RIMS1: variants seen among roughly 807,000 people sequenced by gnomAD.
RIMS1 encodes the protein regulating synaptic membrane exocytosis 1.
A neutral mutation model predicts 214.1 loss-of-function variants in RIMS1; 83 were observed. The ratio of observed to expected loss-of-function variants is 0.39; its 90% CI spans 0.32 to 0.47. The LOEUF (loss-of-function observed/expected upper bound fraction) is 0.47, where lower values mean the gene tolerates loss of function less well. Ranked by LOEUF, RIMS1 falls within the 20% of genes least tolerant of loss-of-function variation. The pLI is 0.99. For synonymous variants in RIMS1, 793 were observed against 786.8 expected (o/e 1.01, Z -0.13); for missense variants, 2,050 against 2,161.8 (o/e 0.95, Z 1.03).
At position 72,095,497 on chromosome 6, in the gene RIMS1, C is replaced by G. The variant is rs540409105; in HGVS notation, c.246-1452C>G. 2.6e-5 allele frequency among the ~76,000 whole-genome samples: 4 copies of G among 152,248 alleles called. No homozygotes were observed. The East Asian group carries it at 7.7e-4, about 29-fold the overall frequency. ...ATATTCCTTTATGAAGTGATATTAG[C>G]TGGCCTTTAAATTGGGAAATATTTC... is the stretch of plus-strand genomic sequence containing the variant. On this transcript the variant is annotated intron_variant, in intron 2 of 33. Transcript: ENST00000521978.
At chr6:71,892,208 C>T (rs533267972) in intron 1 of RIMS1, among the ~76,000 whole-genome samples, 1 of 152,292 alleles carries the variant, frequency 6.6e-6, no homozygotes, top group Admixed American at 6.5e-5. Context: ...TGATTTGTTT[C>T]CCTCATCTGT....
intron 29 of RIMS1, among the ~76,000 whole-genome samples, chr6:72,378,629 C>T (rs1033360347): frequency 2.6e-5 from 4 of 152,006 alleles, no homozygotes; most frequent in African/African-American, 7.2e-5. Flanking sequence ...CAGGAGTTCA[C>T]GACCAGCCTG....
At chr6:72,217,056 C>T in intron 6 of RIMS1, 2 of 1,470,036 alleles carry the variant, frequency 1.4e-6, no homozygotes, top group Non-Finnish European at 9.0e-7. Context: ...ATGCAAGGAC[C>T]ACAGGGAATT....
chr6:72,010,414 T>G (rs1352686106), intron 2 of RIMS1, among the ~76,000 whole-genome samples: 2 of 152,142 alleles, frequency 1.3e-5, no homozygotes, highest in Non-Finnish European at 2.9e-5. Context: ...CTTTGAAAAC[T>G]GGCACAAGAC....
At chr6:72,046,799 C>T (rs895523273) in intron 2 of RIMS1, among the ~76,000 whole-genome samples, 12 of 151,894 alleles carry the variant, frequency 7.9e-5, no homozygotes, top group African/African-American at 1.5e-4. Context: ...TAGATGTCTG[C>T]GACTATTTTA....
intron 6 of RIMS1, among the ~76,000 whole-genome samples, chr6:72,225,842 T>C (rs1366056872): frequency 1.3e-5 from 2 of 152,168 alleles, no homozygotes; most frequent in African/African-American, 4.8e-5. Flanking sequence ...ATCCCTAAGA[T>C]TGTCAATTTT....
intron 2 of RIMS1, among the ~76,000 whole-genome samples, chr6:72,058,388 C>A (rs947899507): frequency 6.6e-6 from 1 of 152,192 alleles, no homozygotes; most frequent in Non-Finnish European, 1.5e-5. Flanking sequence ...TAGAAATACC[C>A]AGAAACTGAT....
At chr6:72,193,738 G>A (rs562952664) in intron 6 of RIMS1, among the ~76,000 whole-genome samples, 91 of 152,220 alleles carry the variant, frequency 6.0e-4, no homozygotes, top group Admixed American at 1.0e-3. Flanking sequence ...ATGAGATAAT[G>A]CATCTATAAT....
intron 29 of RIMS1, among the ~76,000 whole-genome samples, chr6:72,344,248 A>G (rs1022856401): frequency 6.6e-6 from 1 of 151,736 alleles, no homozygotes; most frequent in African/African-American, 2.4e-5. Context: ...TTCTCCTTCT[A>G]ACCAATACAG....
chr6:72,318,716 G>A (rs1042828260), intron 28 of RIMS1, among the ~76,000 whole-genome samples: 3 of 152,064 alleles, frequency 2.0e-5, no homozygotes, highest in Non-Finnish European at 4.4e-5. Flanking sequence ...TGAGACACAC[G>A]TTTTTCCTTG....
intron 2 of RIMS1, among the ~76,000 whole-genome samples, chr6:71,999,286 C>T (rs544203943): frequency 2.0e-5 from 3 of 152,096 alleles, no homozygotes; most frequent in Admixed American, 6.6e-5. Context: ...TTGGAAAGGA[C>T]TCCCAGAAGA....
chr6:72,275,120 GTA>G (rs10526446), intron 23 of RIMS1, among the ~76,000 whole-genome samples: 164 of 81,520 alleles, frequency 2.0e-3, no homozygotes, highest in Non-Finnish European at 3.3e-3. Context: ...CTATTTTATG[GTA>G]TATATATATA....
rs533265560 is a variant in RIMS1, at chr6:72,319,156, A to G, written c.4130+5484A>G. On this transcript the variant is annotated intron_variant, in intron 28 of 33. Transcript: ENST00000521978. ...GACTTTATCCCAAGTTAGAGGGCAA[A>G]TGCCAAGGCAGAGCAAGCAGAGTTG... Among the ~76,000 whole-genome samples, 43 of 152,286 alleles carry G rather than the reference A, an allele frequency of 2.8e-4. No individual in the cohort carries two copies. In the South Asian group the frequency reaches 8.7e-3, roughly 31 times the overall value.
At chr6:71,972,450 T>A (rs1031840090) in intron 2 of RIMS1, among the ~76,000 whole-genome samples, 1 of 152,180 alleles carries the variant, frequency 6.6e-6, no homozygotes, top group African/African-American at 2.4e-5. Flanking sequence ...AGGGTGATAG[T>A]ACTCATATCA....
chr6:72,147,715 C>T (rs139334190), intron 4 of RIMS1, among the ~76,000 whole-genome samples: 2 of 152,244 alleles, frequency 1.3e-5, no homozygotes, highest in Non-Finnish European at 2.9e-5. Context: ...CTTGAATATC[C>T]ACTTTTAATT....
chr6:72,216,719 A>G (rs559866322), intron 6 of RIMS1: 170 of 986,096 alleles, frequency 1.7e-4, no homozygotes, highest in Middle Eastern at 1.6e-3. Flanking sequence ...GTCAGTGGGA[A>G]CAAGATGAGC....
chr6:72,139,842 G>C (rs190404600), intron 4 of RIMS1, among the ~76,000 whole-genome samples: 2 of 152,128 alleles, frequency 1.3e-5, no homozygotes, highest in East Asian at 3.9e-4. Flanking sequence ...AATTCAGGAA[G>C]CATGTTTTTA....
chr6:72,194,812 A>G (rs1191275657), intron 6 of RIMS1, among the ~76,000 whole-genome samples: 1 of 152,152 alleles, frequency 6.6e-6, no homozygotes, highest in Non-Finnish European at 1.5e-5. Flanking sequence ...ATTATCTAAA[A>G]ATTGAGATTA....
intron 11 of RIMS1, 51 bp from the exon 12 acceptor site, chr6:72,247,964 A>G (rs2071020765): frequency 8.2e-7 from 1 of 1,222,854 alleles, no homozygotes. Flanking sequence ...CATTTTATTA[A>G]AAATATTTCC....
Sources: allele counts gnomAD v4.1 joint callset (sites outside exome capture counted in the v4.1 genomes callset), GRCh38; gene constraint gnomAD v4.1.1; transcripts MANE v1.5; gene names NCBI Gene and HGNC (gene_info 2026-07-23, HGNC 2026-07-21).